TBC1D8: variants seen among roughly 807,000 people sequenced by gnomAD.
TBC1D8 encodes the protein BUB2-like protein 1.
In TBC1D8, 65 loss-of-function variants were observed where a neutral mutation model predicts 118.8. The ratio of observed to expected loss-of-function variants is 0.55; its 90% CI spans 0.45 to 0.67. The LOEUF is 0.67. Among genes scored for constraint, TBC1D8 ranks in the 30% least tolerant of loss-of-function variants. TBC1D8 has a pLI of 0.00. For missense variants in TBC1D8, 1,376 were observed against 1,471.2 expected (o/e 0.94, Z 1.06); for synonymous variants, 566 against 595.8 (o/e 0.95, Z 0.73).
intron 2 of TBC1D8, among the ~76,000 whole-genome samples, chr2:101,069,709 T>C (rs1435920571): frequency 6.6e-6 from 1 of 152,198 alleles, no homozygotes; most frequent in Non-Finnish European, 1.5e-5. Flanking sequence ...CCAAGATTGA[T>C]AGAACTTGTA....
At chr2:101,018,886 G>T in intron 17 of TBC1D8, 1 of 1,398,808 alleles carries the variant, frequency 7.1e-7, no homozygotes, top group Non-Finnish European at 9.8e-7. Flanking sequence ...GCCAATATCC[G>T]TAGGTTTATC....
intron 1 of TBC1D8, among the ~76,000 whole-genome samples, chr2:101,113,665 G>T (rs1410366210): frequency 1.3e-5 from 2 of 152,182 alleles, no homozygotes; most frequent in Non-Finnish European, 2.9e-5. Context: ...GGCAGGAAAT[G>T]GAGTTTGGAG....
At chr2:101,105,140 T>C (rs991234111) in intron 1 of TBC1D8, among the ~76,000 whole-genome samples, 3 of 152,034 alleles carry the variant, frequency 2.0e-5, no homozygotes, top group Middle Eastern at 3.4e-3. Flanking sequence ...GGGAAAAAAT[T>C]GATGTTAGAC....
At chr2:101,090,176 G>C in intron 2 of TBC1D8, 33 bp downstream of exon 2, 3 of 1,594,208 alleles carry the variant, frequency 1.9e-6, no homozygotes, top group Non-Finnish European at 2.6e-6. Context: ...TACACCTTAA[G>C]GTTTGGAACA....
rs55824667 is a variant in TBC1D8 at position 101,096,419 on chromosome 2, CAAAAAAAAA to C, written c.128-6064_128-6056del. 4.5e-3 allele frequency among the ~76,000 whole-genome samples: 197 copies of C among 43,750 alleles called. 3 individuals are homozygous for C. In the South Asian group the frequency reaches 0.11, roughly 24 times the overall value. The allele number at this position is 43,750 out of a possible 152,430, so 28.7% of individuals were successfully genotyped here. A position where few individuals can be genotyped will look rare whatever the true frequency, so the allele number is the denominator to read the frequency against. ...CCAAAATATTATGTCTGGCTTTTGA[CAAAAAAAAA>C]AAAAAAAAAAAAAAAAAAACTATAA... On this transcript the variant is annotated intron_variant, in intron 1 of 19. Transcript: ENST00000409318.
intron 4 of TBC1D8, 146 bp from the exon 5 acceptor site, chr2:101,050,787 T>C (rs1682023218): frequency 1.0e-6 from 1 of 979,290 alleles, no homozygotes; most frequent in Non-Finnish European, 1.5e-6. Context: ...GATACAGGGA[T>C]ACACGTGCAG....
At chr2:101,067,147 C>T (rs1360290723) in intron 2 of TBC1D8, among the ~76,000 whole-genome samples, 3 of 152,056 alleles carry the variant, frequency 2.0e-5, no homozygotes, top group African/African-American at 7.2e-5. Flanking sequence ...AGAGTGTTTA[C>T]GACTTCAGTT....
At chr2:101,132,359 A>T (rs1000057499) in intron 1 of TBC1D8, among the ~76,000 whole-genome samples, 1 of 152,202 alleles carries the variant, frequency 6.6e-6, no homozygotes, top group Non-Finnish European at 1.5e-5. Context: ...TTACACGTGT[A>T]TATCTGTATC....
chr2:101,079,852 A>AT (rs1204111798), intron 2 of TBC1D8, among the ~76,000 whole-genome samples: 2 of 151,400 alleles, frequency 1.3e-5, no homozygotes, highest in African/African-American at 2.4e-5. Flanking sequence ...CGCCTGGCTA[A>AT]TTTTTTTGTA....
chr2:101,150,890 G>A (rs973988960), intron 1 of TBC1D8, among the ~76,000 whole-genome samples: 1 of 152,148 alleles, frequency 6.6e-6, no homozygotes, highest in South Asian at 2.1e-4. Context: ...AGGCGGCGAA[G>A]ACACCTGCCT....
chr2:101,134,942 G>A (rs1363520421), intron 1 of TBC1D8, among the ~76,000 whole-genome samples: 1 of 152,206 alleles, frequency 6.6e-6, no homozygotes, highest in Non-Finnish European at 1.5e-5. Context: ...GGGAGGCCGA[G>A]GCAGGTGGAT....
At chr2:101,131,168 G>T (rs1678574420) in intron 1 of TBC1D8, among the ~76,000 whole-genome samples, 1 of 152,162 alleles carries the variant, frequency 6.6e-6, no homozygotes, top group Non-Finnish European at 1.5e-5. Flanking sequence ...CTCCCAAGTA[G>T]CTGAGACTAT....
At chr2:101,025,354 G>A (rs140250789) in intron 15 of TBC1D8, among the ~76,000 whole-genome samples, 105 of 152,250 alleles carry the variant, frequency 6.9e-4, no homozygotes, top group Middle Eastern at 6.8e-3. Context: ...AGCCACCCGC[G>A]TAGCTGGGAT....
chr2:101,037,474 C>A, intron 8 of TBC1D8, 58 bp downstream of exon 8: 2 of 1,569,612 alleles, frequency 1.3e-6, no homozygotes, highest in Non-Finnish European at 8.6e-7. Flanking sequence ...AGCTGGGCAA[C>A]CCCCCCAAGC....
chr2:101,065,570 T>C (rs1682970276), intron 2 of TBC1D8, among the ~76,000 whole-genome samples: 1 of 152,236 alleles, frequency 6.6e-6, no homozygotes, highest in Non-Finnish European at 1.5e-5. Flanking sequence ...GAAAGCAGTA[T>C]CTTTACAAGA....
At chr2:101,101,463 T>C (rs1416514064) in intron 1 of TBC1D8, among the ~76,000 whole-genome samples, 1 of 152,202 alleles carries the variant, frequency 6.6e-6, no homozygotes, top group Non-Finnish European at 1.5e-5. Context: ...TGTAAATTAC[T>C]TCAACCATTG....
chr2:101,122,998 G>T (rs1013701314), intron 1 of TBC1D8, among the ~76,000 whole-genome samples: 1 of 152,162 alleles, frequency 6.6e-6, no homozygotes, highest in South Asian at 2.1e-4. Flanking sequence ...AATCAAAGGC[G>T]AAAGGCACAG....
chr2:101,146,065 C>A (rs1164743126), intron 1 of TBC1D8, among the ~76,000 whole-genome samples: 1 of 150,644 alleles, frequency 6.6e-6, no homozygotes, highest in Non-Finnish European at 1.5e-5. Flanking sequence ...TTTATTAATT[C>A]TAAGCCTTAT....
chr2:101,130,251 CG>C (rs1373736748), intron 1 of TBC1D8, among the ~76,000 whole-genome samples: 1 of 152,190 alleles, frequency 6.6e-6, no homozygotes, highest in Non-Finnish European at 1.5e-5. Context: ...GAGTGAGAGC[CG>C]AGGAGGCCTG....
Sources: gnomAD v4.1 joint callset for allele counts (sites outside exome capture counted in the v4.1 genomes callset) on GRCh38, gnomAD v4.1.1 for gene constraint, MANE v1.5 for transcripts, NCBI Gene and HGNC (gene_info 2026-07-23, HGNC 2026-07-21) for gene names.